The following DPYD variants were observed in gnomAD, a reference collection of about 807,000 sequenced individuals.
DPYD encodes dihydropyrimidine dehydrogenase [NADP(+)].
Under a neutral mutation model 116.2 loss-of-function variants are expected in DPYD, and 109 were observed. The observed-to-expected ratio is 0.94, with a 90% CI of 0.80 to 1.10. The LOEUF (loss-of-function observed/expected upper bound fraction) is 1.10, where lower values mean the gene tolerates loss of function less well. Ranked by LOEUF, DPYD falls within the 50% of genes least tolerant of loss-of-function variation. The pLI is 0.00. For synonymous variants in DPYD, 440 were observed against 432.0 expected, an observed-to-expected ratio of 1.02 and a Z score of -0.23; for missense variants, 1,302 against 1,254.5, an observed-to-expected ratio of 1.04 and a Z score of -0.57.
rs369225058 is a variant in DPYD at position 97,536,185 on chromosome 1, C to T, written c.1524+13375G>A. Among the ~76,000 whole-genome samples the T allele has an allele frequency of 3.9e-5, 6 of 152,280 alleles. No individual in the cohort carries two copies. In the South Asian group the frequency reaches 1.2e-3, roughly 32 times the overall value. ...CCTGAAGTCATCTCAACAGTATGAT[C>T]CTGACCCAGTGGAAAAACTTAGCAT... On this transcript the variant is annotated intron_variant, in intron 12 of 22. Transcript: ENST00000370192.
chr1:97,899,892 G>C (rs1673276478), intron 1 of DPYD, among the ~76,000 whole-genome samples: 1 of 151,878 alleles, frequency 6.6e-6, no homozygotes. Context: ...ATTATACATG[G>C]ATAGGCCTTG....
intron 13 of DPYD, among the ~76,000 whole-genome samples, 166 bp downstream of exon 13, chr1:97,515,560 G>A (rs905856075): frequency 6.6e-6 from 1 of 151,282 alleles, no homozygotes; most frequent in South Asian, 2.1e-4. Context: ...CTTCTTCCAT[G>A]GGACAGAAAG....
chr1:97,503,656 C>T (rs950907521), intron 13 of DPYD, among the ~76,000 whole-genome samples: 2 of 151,988 alleles, frequency 1.3e-5, no homozygotes, highest in African/African-American at 4.8e-5. Flanking sequence ...CCTCAACACC[C>T]TCCATATTGT....
chr1:97,377,263 G>C (rs1349938174), intron 15 of DPYD, among the ~76,000 whole-genome samples: 1 of 151,704 alleles, frequency 6.6e-6, no homozygotes, highest in African/African-American at 2.4e-5. Flanking sequence ...AAACAGAAAA[G>C]AAAAATAAGA....
intron 20 of DPYD, among the ~76,000 whole-genome samples, chr1:97,102,349 A>G (rs1650755312): frequency 6.9e-6 from 1 of 145,552 alleles, no homozygotes. Flanking sequence ...GTAATATGTG[A>G]AAGATGAAAA....
intron 3 of DPYD, among the ~76,000 whole-genome samples, chr1:97,740,762 C>T (rs1354604125): frequency 6.6e-6 from 1 of 152,156 alleles, no homozygotes; most frequent in Non-Finnish European, 1.5e-5. Flanking sequence ...ATACCATTCC[C>T]TCACTCTATC....
At chr1:97,195,531 A>T (rs1289888623) in intron 19 of DPYD, among the ~76,000 whole-genome samples, 1 of 70,096 alleles carries the variant, frequency 1.4e-5, no homozygotes. Context: ...AGAGAGAGAG[A>T]GAGAGAGAGA....
chr1:97,339,179 T>C (rs892440926), intron 16 of DPYD, among the ~76,000 whole-genome samples: 2 of 151,906 alleles, frequency 1.3e-5, no homozygotes, highest in Non-Finnish European at 2.9e-5. Context: ...TAGAGGAAGA[T>C]CTAGGTGACA....
intron 19 of DPYD, among the ~76,000 whole-genome samples, chr1:97,232,754 T>G (rs1267258232): frequency 1.3e-5 from 2 of 152,194 alleles, no homozygotes; most frequent in East Asian, 3.9e-4. Context: ...AAAATTTTCA[T>G]CTTTATATCT....
chr1:97,583,785 T>C (rs1237431620), intron 10 of DPYD, among the ~76,000 whole-genome samples: 1 of 152,002 alleles, frequency 6.6e-6, no homozygotes. Flanking sequence ...CAGTTTAAAA[T>C]AAAATGTGTA....
intron 18 of DPYD, among the ~76,000 whole-genome samples, chr1:97,249,887 A>G (rs1270961941): frequency 1.3e-5 from 2 of 152,202 alleles, no homozygotes; most frequent in Admixed American, 6.5e-5. Flanking sequence ...GCCCACAGGA[A>G]TGGCTAAAAA....
intron 4 of DPYD, among the ~76,000 whole-genome samples, chr1:97,726,351 G>A (rs1663261654): frequency 6.6e-6 from 1 of 151,468 alleles, no homozygotes; most frequent in Non-Finnish European, 1.5e-5. Flanking sequence ...TGACTTTCTG[G>A]TTTTGGATAA....
chr1:97,133,007 T>A (rs1653451830), intron 20 of DPYD, among the ~76,000 whole-genome samples: 1 of 152,058 alleles, frequency 6.6e-6, no homozygotes, highest in East Asian at 1.9e-4. Context: ...TGGTATGTGA[T>A]GAAAAAGTAA....
intron 2 of DPYD, among the ~76,000 whole-genome samples, chr1:97,838,272 T>C (rs1669865715): frequency 6.6e-6 from 1 of 152,174 alleles, no homozygotes; most frequent in Non-Finnish European, 1.5e-5. Context: ...CTAAATACTT[T>C]AATGCTGTAG....
At chr1:97,632,857 T>C (rs1657351860) in intron 8 of DPYD, among the ~76,000 whole-genome samples, 1 of 152,078 alleles carries the variant, frequency 6.6e-6, no homozygotes, top group South Asian at 2.1e-4. Context: ...TTAGACAAAA[T>C]TGTTTTAGAT....
chr1:97,716,533 T>C (rs2101014701), intron 5 of DPYD, among the ~76,000 whole-genome samples: 1 of 152,226 alleles, frequency 6.6e-6, no homozygotes, highest in Admixed American at 6.6e-5. Flanking sequence ...CAAATCAGTG[T>C]GGAAACAACA....
At chr1:97,102,043 C>T (rs1650728993) in intron 20 of DPYD, among the ~76,000 whole-genome samples, 1 of 151,988 alleles carries the variant, frequency 6.6e-6, no homozygotes, top group Non-Finnish European at 1.5e-5. Flanking sequence ...AACAATGATA[C>T]CTTAAGCCAG....
intron 13 of DPYD, among the ~76,000 whole-genome samples, chr1:97,496,240 G>T (rs918775627): frequency 1.4e-4 from 21 of 152,024 alleles, no homozygotes; most frequent in African/African-American, 5.1e-4. Context: ...ATACAACCTT[G>T]AGCCAATATC....
chr1:97,640,719 C>G (rs895749068), intron 8 of DPYD, among the ~76,000 whole-genome samples: 1 of 152,074 alleles, frequency 6.6e-6, no homozygotes. Context: ...AAAGGTGGGA[C>G]AGAGCCTGAG....
Sources: gnomAD v4.1 joint callset for allele counts (sites outside exome capture counted in the v4.1 genomes callset) on GRCh38, gnomAD v4.1.1 for gene constraint, MANE v1.5 for transcripts, NCBI Gene and HGNC (gene_info 2026-07-23, HGNC 2026-07-21) for gene names.